RNF150: variants seen among roughly 807,000 people sequenced by gnomAD.
The protein encoded by RNF150 is ring finger protein 150.
Under a neutral mutation model 39.3 loss-of-function variants are expected in RNF150, and 24 were observed. That is an observed-to-expected ratio of 0.61 (90% CI 0.44 to 0.86). The LOEUF is 0.86. Among genes scored for constraint, RNF150 ranks in the 40% least tolerant of loss-of-function variants. RNF150 has a pLI of 0.00. For synonymous variants in RNF150, 255 were observed against 227.3 expected (o/e 1.12, Z -1.10); for missense variants, 502 against 587.8 (o/e 0.85, Z 1.51).
intron 1 of RNF150, among the ~76,000 whole-genome samples, chr4:140,998,025 A>T (rs1402468634): frequency 6.6e-6 from 1 of 152,202 alleles, no homozygotes; most frequent in Non-Finnish European, 1.5e-5. Flanking sequence ...ATGCTTTCAC[A>T]GACTCCAGAT....
At chr4:141,086,663 C>T (rs1257967143) in intron 1 of RNF150, among the ~76,000 whole-genome samples, 4 of 151,322 alleles carry the variant, frequency 2.6e-5, no homozygotes, top group Admixed American at 6.6e-5. Context: ...AATGTTAATG[C>T]CCCCTCTTTG....
Position 141,096,449 on chromosome 4 carries a change from C to T in RNF150, c.484+35876G>A, listed in dbSNP as rs139890881. 2.1e-3 allele frequency among the ~76,000 whole-genome samples: 327 copies of T among 152,104 alleles called. 1 individual carries two copies. Among genetic ancestry groups the T allele is most frequent in the African/African-American group, 7.1e-3 (293 of 41,506 alleles). On this transcript the variant is annotated intron_variant, in intron 1 of 6. Coordinates refer to ENST00000515673, the MANE Select transcript of RNF150 (RefSeq NM_020724.2). Reference sequence around the variant, plus strand: ...CTGAGTTCAGGCAATCCGCCCGCCTCGGCCTCCCAAAGTGCTAGGATTACA... The same window carrying T: ...CTGAGTTCAGGCAATCCGCCCGCCTTGGCCTCCCAAAGTGCTAGGATTACA...
At chr4:141,102,150 T>C (rs188176694) in intron 1 of RNF150, among the ~76,000 whole-genome samples, 64 of 152,342 alleles carry the variant, frequency 4.2e-4, no homozygotes, top group Non-Finnish European at 7.2e-4. Flanking sequence ...TGTCGTTATG[T>C]GGCATATGAC....
At chr4:140,940,427 C>A (rs1174397170) in intron 4 of RNF150, among the ~76,000 whole-genome samples, 1 of 151,602 alleles carries the variant, frequency 6.6e-6, no homozygotes, top group Admixed American at 6.6e-5. Context: ...ATTGAAGTGT[C>A]CAAAAATAGT....
chr4:141,084,206 C>CT (rs1430811113), intron 1 of RNF150, among the ~76,000 whole-genome samples: 1 of 152,172 alleles, frequency 6.6e-6, no homozygotes, highest in African/African-American at 2.4e-5. Flanking sequence ...ACCTTGAGTA[C>CT]TATTACATTT....
chr4:141,054,981 A>G (rs1295250032), intron 1 of RNF150, among the ~76,000 whole-genome samples: 2 of 152,188 alleles, frequency 1.3e-5, no homozygotes, highest in Non-Finnish European at 2.9e-5. Flanking sequence ...TAAAATTCAC[A>G]CACATAAAGA....
intron 1 of RNF150, among the ~76,000 whole-genome samples, chr4:141,063,861 G>A (rs12641773): frequency 0.016 from 2,439 of 152,122 alleles, 100 homozygotes; most frequent in East Asian, 0.15. Context: ...CAGTTGTAGG[G>A]TTTATAATTA....
chr4:141,047,101 C>G (rs1433908913), intron 1 of RNF150, among the ~76,000 whole-genome samples: 1 of 152,052 alleles, frequency 6.6e-6, no homozygotes, highest in Non-Finnish European at 1.5e-5. Context: ...AGGACTAATG[C>G]CAATCAGGAC....
intron 1 of RNF150, among the ~76,000 whole-genome samples, chr4:141,050,486 G>T (rs563092018): frequency 2.6e-5 from 4 of 152,266 alleles, no homozygotes; most frequent in Non-Finnish European, 5.9e-5. Context: ...AGAATCAAAA[G>T]CAATTTAGCT....
At chr4:140,924,480 T>C (rs1731306644) in intron 5 of RNF150, among the ~76,000 whole-genome samples, 1 of 152,200 alleles carries the variant, frequency 6.6e-6, no homozygotes, top group Admixed American at 6.5e-5. Flanking sequence ...TTAATATCTC[T>C]AAAAATACCC....
At chr4:140,927,419 G>C (rs972457766) in intron 4 of RNF150, among the ~76,000 whole-genome samples, 7 of 152,146 alleles carry the variant, frequency 4.6e-5, no homozygotes, top group Non-Finnish European at 1.0e-4. Context: ...TTTCCCTCTT[G>C]GTGCTGTTCT....
intron 1 of RNF150, among the ~76,000 whole-genome samples, chr4:141,008,593 C>T: frequency 6.6e-6 from 1 of 152,262 alleles, no homozygotes; most frequent in East Asian, 1.9e-4. Context: ...TGGCATGGGG[C>T]AGGGTTCAAA....
Position 140,911,294 on chromosome 4 carries a change from G to A in RNF150, c.1048C>T (p.Pro350Ser). The A allele has an allele frequency of 1.2e-6, 2 of 1,614,136 alleles. No homozygotes were observed. The highest frequency in any genetic ancestry group is 1.7e-6 in the Non-Finnish European group (2 of 1,180,012). The change falls in exon 6 of 7, where the codon CCC becomes TCC. Residue 350 changes from proline to serine, a missense_variant. Physicochemically the swap from Pro to Ser is moderately conservative, Grantham distance 74 (BLOSUM62 -1). Coordinates refer to ENST00000515673, the MANE Select transcript of RNF150 (RefSeq NM_020724.2). ...CTGGCACCTGTGATCTGGTTGGTGG[G>A]TGGACCTCCCAGAGAGCCCTCGAAG... ...TDFEGSLGGPPTNQITGASDT... is the reference protein window; with the variant it reads ...TDFEGSLGGPSTNQITGASDT...
intron 1 of RNF150, among the ~76,000 whole-genome samples, chr4:141,006,894 T>C (rs112513300): frequency 2.6e-5 from 4 of 152,288 alleles, no homozygotes; most frequent in African/African-American, 9.6e-5. Flanking sequence ...AAAATGTATA[T>C]ATAGTTGCAT....
At chr4:140,954,529 C>T (rs2321689) in intron 2 of RNF150, among the ~76,000 whole-genome samples, 67,509 of 152,002 alleles carry the variant, frequency 0.44, 15,798 homozygotes, top group Non-Finnish European at 0.52. Context: ...CTTACTAAAG[C>T]TTGTTAGGTG....
At position 141,175,274 on chromosome 4, in the gene RNF150, T is replaced by C. The variant is rs372246628; in HGVS notation, c.-6+37520A>G. Among the ~76,000 whole-genome samples, 23 of 152,310 alleles carry C rather than the reference T, an allele frequency of 1.5e-4. No homozygotes were observed. The East Asian group carries it at 3.9e-3, about 26-fold the overall frequency. ...TCACAGATTTGTTGAGCTCCTATTA[T>C]ATTACCAGGCACTGTTCTTGGACTG... On this transcript the variant is annotated intron_variant, in intron 1 of 7. Transcript: ENST00000420921.
chr4:140,951,912 C>A (rs968884838), intron 2 of RNF150, among the ~76,000 whole-genome samples: 1 of 151,216 alleles, frequency 6.6e-6, no homozygotes, highest in Non-Finnish European at 1.5e-5. Context: ...GCACCTAATT[C>A]AATCACTTAA....
At chr4:140,927,615 A>G (rs1247572458) in intron 4 of RNF150, among the ~76,000 whole-genome samples, 1 of 151,028 alleles carries the variant, frequency 6.6e-6, no homozygotes, top group East Asian at 1.9e-4. Context: ...AGCCTATGGA[A>G]CTGTGAGCCA....
At chr4:141,102,324 T>C (rs992372244) in intron 1 of RNF150, among the ~76,000 whole-genome samples, 2 of 152,136 alleles carry the variant, frequency 1.3e-5, no homozygotes, top group African/African-American at 4.8e-5. Flanking sequence ...CCAGTAGACA[T>C]GGGACATAGG....
Sources: gnomAD v4.1 joint callset for allele counts (sites outside exome capture counted in the v4.1 genomes callset) on GRCh38, gnomAD v4.1.1 for gene constraint, MANE v1.5 for transcripts, NCBI Gene and HGNC (gene_info 2026-07-23, HGNC 2026-07-21) for gene names.